The following LRRC9 variants were observed in gnomAD, a reference collection of about 807,000 sequenced individuals.
LRRC9 encodes leucine rich repeat containing 9.
Under a neutral mutation model 63.2 loss-of-function variants are expected in LRRC9, and 122 were observed. The ratio of observed to expected loss-of-function variants is 1.93; its 90% CI spans 1.67 to 2.24. The LOEUF (loss-of-function observed/expected upper bound fraction) is 2.24. LRRC9 is among the 30% of genes most tolerant of loss of function. The pLI is 0.00. For missense variants in LRRC9, 1,071 were observed against 627.7 expected (o/e 1.71, Z -7.55); for synonymous variants, 366 against 213.1 (o/e 1.72, Z -6.25).
At position 60,058,044 on chromosome 14, in the gene LRRC9, G is replaced by C. The variant is rs925048588; in HGVS notation, c.4276+22G>C. 1.8e-6 allele frequency: 1 copy of C among 541,290 alleles called. No homozygotes were observed. The highest frequency in any genetic ancestry group is 3.5e-6 in the Non-Finnish European group (1 of 288,770). 33.5% of individuals were successfully genotyped at this position (541,290 alleles called of 1,614,324 possible). A position where few individuals can be genotyped will look rare whatever the true frequency, so the allele number is the denominator to read the frequency against. On this transcript the variant is annotated intron_variant, in intron 31 of 31. Transcript: ENST00000445360. This position sits in a 1 kb window ranked among gnomAD's most constrained non-coding sequence, Gnocchi z 4.4. ...GAAGGTATTTTGACAATTTCAGATA[G>C]AATGTAAAAGAATCACTTAATTTGA...
At chr14:60,024,009 T>C (rs988695391) in intron 27 of LRRC9, among the ~76,000 whole-genome samples, 1 of 152,162 alleles carries the variant, frequency 6.6e-6, no homozygotes, top group Non-Finnish European at 1.5e-5. Context: ...TATTCCATGG[T>C]GTATATGTGC....
At chr14:60,007,302 A>C (rs1050327729) in intron 22 of LRRC9, among the ~76,000 whole-genome samples, 3 of 152,150 alleles carry the variant, frequency 2.0e-5, no homozygotes, top group Non-Finnish European at 4.4e-5. Context: ...CTAATCAACA[A>C]CACCAGCAAC....
At position 59,934,136 on chromosome 14, in the gene LRRC9, G is replaced by GA. The variant is rs910605603; in HGVS notation, c.543+2106dup. 9.3e-4 allele frequency among the ~76,000 whole-genome samples: 138 copies of GA among 148,704 alleles called. 1 individual carries two copies. The highest frequency in any genetic ancestry group is 1.5e-3 in the Admixed American group (22 of 14,948). ...GAGACTATGAATTGGAGTGTTAACA[G>GA]AAAAAAAAAGAAAAAAAGAAGAGGA... On this transcript the variant is annotated intron_variant, in intron 6 of 31. Coordinates refer to ENST00000445360, the Ensembl canonical transcript of LRRC9.
rs1595059075 is a variant in LRRC9, at chr14:60,027,132, T to C, written c.3704-752T>C. ...AAATGTAAAAGGTCTAAGTTAGGCC[T>C]GATACTGCCATTTTTATGTCTTTGA... is the stretch of plus-strand genomic sequence containing the variant. On this transcript the variant is annotated intron_variant, in intron 27 of 31. Transcript: ENST00000445360. This position sits in a 1 kb window ranked among gnomAD's most constrained non-coding sequence, Gnocchi z 4.0. Among the ~76,000 whole-genome samples, 2 of 152,192 alleles carry C rather than the reference T, an allele frequency of 1.3e-5. 1 individual carries two copies. The highest frequency in any genetic ancestry group is 3.9e-4 in the East Asian group (2 of 5,176).
In LRRC9 at chr14:59,986,323, T is replaced by C. The variant is rs1203327698; in HGVS notation, c.2211+1099T>C. ...TCACTTATCTCTTCAGAATATATCA[T>C]CATTTTCAGCTCTTATTCATTCTTT... On this transcript the variant is annotated intron_variant, in intron 17 of 31. Transcript: ENST00000445360. The surrounding 1 kb of genome is among the most constrained non-coding windows in gnomAD (Gnocchi z 4.7). Among the ~76,000 whole-genome samples, 6 of 152,226 alleles carry C rather than the reference T, an allele frequency of 3.9e-5. No homozygotes were observed. The highest frequency in any genetic ancestry group is 8.8e-5 in the Non-Finnish European group (6 of 68,030).
chr14:60,032,053 A>C, exon 29 of LRRC9: 2 of 699,682 alleles, frequency 2.9e-6, no homozygotes, highest in Non-Finnish European at 5.2e-6. Flanking sequence ...CTTACAGTGT[A>C]TGGCAATCCA....
chr14:60,024,482 A>T (rs1891364462), intron 27 of LRRC9, among the ~76,000 whole-genome samples: 3 of 152,052 alleles, frequency 2.0e-5, no homozygotes, highest in Non-Finnish European at 4.4e-5. Flanking sequence ...AGGCAGGTAT[A>T]TCCATCAGTG....
chr14:60,025,133 C>G (rs1476324803), intron 27 of LRRC9, among the ~76,000 whole-genome samples: 1 of 151,656 alleles, frequency 6.6e-6, no homozygotes, highest in African/African-American at 2.4e-5. Flanking sequence ...CTGTATCACC[C>G]AGGCTGGAGT....
At chr14:60,045,987 A>C (rs888952148) in intron 29 of LRRC9, among the ~76,000 whole-genome samples, 17 of 151,990 alleles carry the variant, frequency 1.1e-4, no homozygotes, top group African/African-American at 3.4e-4. Context: ...TTGGTATCTC[A>C]GCGTGATTTT....
At chr14:59,956,979 G>C (rs1310001911) in intron 8 of LRRC9, among the ~76,000 whole-genome samples, 2 of 152,232 alleles carry the variant, frequency 1.3e-5, no homozygotes, top group East Asian at 3.9e-4. Context: ...TGGCTTGTAG[G>C]GTTTCTGCAG....
chr14:59,999,232 A>G lies in LRRC9; in HGVS notation c.2529+6A>G. 1.4e-6 allele frequency: 1 copy of G among 698,068 alleles called. No homozygotes were observed. The highest frequency in any genetic ancestry group is 2.6e-6 in the Non-Finnish European group (1 of 382,542). 43.2% of individuals were successfully genotyped at this position (698,068 alleles called of 1,614,324 possible). ...CAGGAACAAGGATTACTCAGGTTGG[A>G]TTTTACTGTTTACTATTCATTGTGC... On this transcript the variant is annotated splice_donor_region_variant and intron_variant, in intron 19 of 31. Coordinates refer to ENST00000445360, the Ensembl canonical transcript of LRRC9.
At chr14:59,993,506 A>T (rs1404528637) in intron 17 of LRRC9, among the ~76,000 whole-genome samples, 1 of 152,234 alleles carries the variant, frequency 6.6e-6, no homozygotes, top group Admixed American at 6.5e-5. Context: ...CAATTAAAAG[A>T]CACAGACTGG....
chr14:60,063,694 T>C (rs1414671447), downstream of LRRC9: 3 of 242,736 alleles, frequency 1.2e-5, no homozygotes, highest in Non-Finnish European at 2.4e-5. Flanking sequence ...GTTCTAGTAT[T>C]AGAAACATTT....
chr14:59,971,530 AT>A (rs1292374405), intron 12 of LRRC9, among the ~76,000 whole-genome samples: 1 of 152,148 alleles, frequency 6.6e-6, no homozygotes, highest in African/African-American at 2.4e-5. Flanking sequence ...CAGTATGGCC[AT>A]TTTAACAATA....
At chr14:60,066,800 A>C (rs1037415736), downstream of LRRC9, among the ~76,000 whole-genome samples, 6 of 152,150 alleles carry the variant, frequency 3.9e-5, no homozygotes, top group Middle Eastern at 3.2e-3. Context: ...ATTGTGAATA[A>C]AATTGTTTTG....
intron 23 of LRRC9, among the ~76,000 whole-genome samples, chr14:60,008,660 G>C (rs961168457): frequency 1.3e-5 from 2 of 152,170 alleles, no homozygotes; most frequent in African/African-American, 4.8e-5. Context: ...AAGAAAAATA[G>C]ACACAGACCC....
rs577767907 is a variant in LRRC9, at chr14:60,006,675, T to C, written c.3063+58T>C. The C allele has an allele frequency of 3.2e-4, 173 of 546,602 alleles. 1 individual carries two copies. Among genetic ancestry groups the C allele is most frequent in the African/African-American group, 3.1e-3 (160 of 51,714 alleles). 33.9% of individuals were successfully genotyped at this position (546,602 alleles called of 1,614,324 possible). A position where few individuals can be genotyped will look rare whatever the true frequency, so the allele number is the denominator to read the frequency against. ...TAACATGTATTGTTTCTTTATATTA[T>C]GAAAGTAATGCATGTTTATTGCACA... On this transcript the variant is annotated intron_variant, in intron 22 of 31. Coordinates refer to ENST00000445360, the Ensembl canonical transcript of LRRC9.
chr14:59,939,061 A>G (rs1881450592), intron 7 of LRRC9, among the ~76,000 whole-genome samples: 1 of 148,274 alleles, frequency 6.7e-6, no homozygotes, highest in Non-Finnish European at 1.5e-5. Context: ...ACACATATAT[A>G]TACGTATATA....
At chr14:60,016,339 A>G (rs1246690282) in intron 23 of LRRC9, among the ~76,000 whole-genome samples, 3 of 152,014 alleles carry the variant, frequency 2.0e-5, no homozygotes, top group African/African-American at 4.8e-5. Flanking sequence ...ACATAGCTAC[A>G]ACTAGAGGCA....
Sources: gnomAD v4.1 joint callset for allele counts (sites outside exome capture counted in the v4.1 genomes callset) on GRCh38, gnomAD v4.1.1 for gene constraint, Gnocchi (gnomAD v3.1) non-coding constraint, MANE v1.5 for transcripts, NCBI Gene and HGNC (gene_info 2026-07-23, HGNC 2026-07-21) for gene names.